Variants in WNK2 observed in about 807,000 individuals in gnomAD.
WNK2 encodes serine/threonine-protein kinase WNK2.
In WNK2, 67 loss-of-function variants were observed where a neutral mutation model predicts 192.1. The ratio of observed to expected loss-of-function variants is 0.35; its 90% CI spans 0.29 to 0.43. The LOEUF (loss-of-function observed/expected upper bound fraction) is 0.43. WNK2 is among the 20% of genes least tolerant of loss of function. The probability of loss-of-function intolerance (pLI) is 1.00; values close to 1 mark genes in which losing one functional copy is unlikely to be tolerated. For missense variants in WNK2, 2,698 were observed against 3,089.7 expected (o/e 0.87, Z 3.01); for synonymous variants, 1,439 against 1,393.9 (o/e 1.03, Z -0.72).
At chr9:93,242,673 C>G (rs549979655) in intron 7 of WNK2, among the ~76,000 whole-genome samples, 4 of 152,218 alleles carry the variant, frequency 2.6e-5, no homozygotes, top group African/African-American at 9.6e-5. Flanking sequence ...ACCTGGCTGG[C>G]CGCTCAGTGG....
Position 93,256,385 on chromosome 9 carries a change from C to T in WNK2, c.2121C>T (p.Ala707=). 2 of 1,559,996 alleles carry T rather than the reference C, an allele frequency of 1.3e-6. No homozygotes were observed. Among genetic ancestry groups the T allele is most frequent in the Middle Eastern group, 1.8e-4 (1 of 5,612 alleles). ...TCCCGGATCCGGCCATGAGCTTCGC[C>T]CCCGTGCTGCCGCCGCCCAGCACCC... The part of the protein sequence containing the change: ...QHFPDPAMSF[A]PVLPPPSTPM... The change falls in exon 10 of 30, where the codon GCC becomes GCT. Residue 707 remains alanine (A), a synonymous_variant. Transcript: ENST00000427277.
intron 29 of WNK2, chr9:93,318,733 C>T (rs1043248526): frequency 2.9e-5 from 41 of 1,436,510 alleles, no homozygotes; most frequent in East Asian, 1.3e-4. Context: ...ACCGCTCTCC[C>T]GTCCAGCCCT....
chr9:93,279,086 C>G (rs1476261459), intron 19 of WNK2, among the ~76,000 whole-genome samples: 1 of 152,208 alleles, frequency 6.6e-6, no homozygotes, highest in Non-Finnish European at 1.5e-5. Context: ...GATGTCTGTT[C>G]TTCCACCTCT....
At chr9:93,289,664 GCCGGAGCCCGGGCGCAGGC>G (rs969596321) in intron 20 of WNK2, 44 bp downstream of exon 20, 65 of 1,425,026 alleles carry the variant, frequency 4.6e-5, no homozygotes, top group Non-Finnish European at 4.9e-5. Flanking sequence ...TGGGTCAGGG[GCCGGAGCCCGGGCGCAGGC>G]CCGGGGGTGG....
chr9:93,262,762 C>A (rs756750422), intron 14 of WNK2, 43 bp downstream of exon 14: 1 of 1,603,320 alleles, frequency 6.2e-7, no homozygotes, highest in East Asian at 2.2e-5. Flanking sequence ...GGTGTAGGGG[C>A]GCAGGCCTGT....
At chr9:93,188,854 G>A (rs963544849) in intron 2 of WNK2, among the ~76,000 whole-genome samples, 1 of 152,192 alleles carries the variant, frequency 6.6e-6, no homozygotes, top group Non-Finnish European at 1.5e-5. Context: ...ACAGCAACGG[G>A]GAGGTGCCTG....
rs1853341796 is a variant in WNK2, at chr9:93,309,953, G to C, written c.6516+1369G>C. ...GTTGCTATTTGAAGTAAGTGTGGTTGTTAGTTTTCAGATGACCTTTTGTCA... is the reference window on the plus strand; with the variant it reads ...GTTGCTATTTGAAGTAAGTGTGGTTCTTAGTTTTCAGATGACCTTTTGTCA... On this transcript the variant is annotated intron_variant, in intron 28 of 29. Coordinates refer to ENST00000427277, the MANE Select transcript of WNK2 (RefSeq NM_006648.4). Among the ~76,000 whole-genome samples the C allele has an allele frequency of 2.0e-5, 3 of 152,230 alleles. No individual in the cohort carries two copies. The South Asian group carries it at 6.2e-4, about 31-fold the overall frequency.
chr9:93,210,529 G>A (rs1026046081), intron 2 of WNK2, among the ~76,000 whole-genome samples: 10 of 152,076 alleles, frequency 6.6e-5, no homozygotes, highest in African/African-American at 2.4e-4. Context: ...GTGGGTGCTG[G>A]GGCACTCAAG....
At chr9:93,191,766 C>G (rs1295241038) in intron 2 of WNK2, among the ~76,000 whole-genome samples, 1 of 152,070 alleles carries the variant, frequency 6.6e-6, no homozygotes, top group African/African-American at 2.4e-5. Flanking sequence ...TGGTGACTCA[C>G]GCCTGTAATC....
chr9:93,210,464 A>G (rs1318309297), intron 2 of WNK2, among the ~76,000 whole-genome samples: 2 of 152,076 alleles, frequency 1.3e-5, no homozygotes, highest in East Asian at 1.9e-4. Context: ...CACTGTCTGC[A>G]GCTGCCTCTG....
chr9:93,184,688 G>A (rs1828943570), intron 1 of WNK2, among the ~76,000 whole-genome samples: 1 of 152,026 alleles, frequency 6.6e-6, no homozygotes. Context: ...GGACACCACA[G>A]GCCCGTCCCT....
intron 2 of WNK2, among the ~76,000 whole-genome samples, chr9:93,186,965 G>C (rs1238501951): frequency 6.6e-6 from 1 of 152,160 alleles, no homozygotes; most frequent in African/African-American, 2.4e-5. Context: ...CTGTGATCTG[G>C]GGGTCCTGGG....
At chr9:93,189,513 C>T (rs980433288) in intron 2 of WNK2, among the ~76,000 whole-genome samples, 5 of 152,202 alleles carry the variant, frequency 3.3e-5, no homozygotes, top group East Asian at 3.8e-4. Flanking sequence ...GCTCAAGGAA[C>T]GATGTGTCCT....
intron 2 of WNK2, among the ~76,000 whole-genome samples, chr9:93,224,817 C>G (rs1837529704): frequency 6.6e-6 from 1 of 152,144 alleles, no homozygotes; most frequent in Non-Finnish European, 1.5e-5. Context: ...GAGGCCCCCG[C>G]CTCTGACTCA....
chr9:93,314,238 TGCCATTGCACTCCAGCCTGGGC>T (rs1854189596), intron 28 of WNK2, among the ~76,000 whole-genome samples: 1 of 152,074 alleles, frequency 6.6e-6, no homozygotes, highest in Non-Finnish European at 1.5e-5. Flanking sequence ...GCCGAGATTG[TGCCATTGCACTCCAGCCTGGGC>T]GACAAGAGCA....
chr9:93,231,766 C>T (rs980622776), intron 4 of WNK2, among the ~76,000 whole-genome samples: 1 of 152,226 alleles, frequency 6.6e-6, no homozygotes, highest in African/African-American at 2.4e-5. Context: ...GCCTTCCCAG[C>T]CTTCTTTTGG....
At chr9:93,205,567 G>T (rs1336691690) in intron 2 of WNK2, among the ~76,000 whole-genome samples, 1 of 151,786 alleles carries the variant, frequency 6.6e-6, no homozygotes, top group South Asian at 2.1e-4. Context: ...GGCCCGCCCC[G>T]CGGCCGGCTG....
At position 93,248,085 on chromosome 9, in the gene WNK2, G is replaced by A. The variant is rs114650890; in HGVS notation, c.1834+251G>A. ...GGCACCTATGCCCCGTGACAGGCTC[G>A]CCTTCTGCCAGCACCTTTGGTGCCA... On this transcript the variant is annotated intron_variant, in intron 8 of 29. Transcript: ENST00000427277. Among the ~76,000 whole-genome samples, 802 of 152,290 alleles carry A rather than the reference G, an allele frequency of 5.3e-3. 8 individuals are homozygous for A. Among genetic ancestry groups the A allele is most frequent in the African/African-American group, 0.018 (756 of 41,556 alleles).
At chr9:93,258,800 AG>A in intron 11 of WNK2, 130 bp from the exon 12 acceptor site, 2 of 757,174 alleles carry the variant, frequency 2.6e-6, no homozygotes, top group Non-Finnish European at 4.3e-6. Context: ...GGTGTCTCGG[AG>A]GGAAAGGGTC....
Sources: gnomAD v4.1 joint callset for allele counts (sites outside exome capture counted in the v4.1 genomes callset) on GRCh38, gnomAD v4.1.1 for gene constraint, MANE v1.5 for transcripts, NCBI Gene and HGNC (gene_info 2026-07-23, HGNC 2026-07-21) for gene names.